FARSB: variants seen among roughly 807,000 people sequenced by gnomAD.
The protein encoded by FARSB is phenylalanine--tRNA ligase beta subunit.
A neutral mutation model predicts 69.6 loss-of-function variants in FARSB; 40 were observed. The observed-to-expected ratio is 0.57, with a 90% CI of 0.45 to 0.75. The LOEUF is 0.75. Among genes scored for constraint, FARSB ranks in the 30% least tolerant of loss-of-function variants. FARSB has a pLI of 0.00. For missense variants in FARSB, 632 were observed against 722.9 expected (o/e 0.87, Z 1.44); for synonymous variants, 235 against 247.2 (o/e 0.95, Z 0.46).
At chr2:222,643,526 C>G (rs1691774097) in intron 2 of FARSB, among the ~76,000 whole-genome samples, 1 of 151,954 alleles carries the variant, frequency 6.6e-6, no homozygotes, top group South Asian at 2.1e-4. Context: ...GTAACAACAA[C>G]AAAAGTGTCA....
At position 222,572,222 on chromosome 2, in the gene FARSB, C is replaced by T. The variant is rs550615736; in HGVS notation, c.1619-200G>A. Among the ~76,000 whole-genome samples the T allele has an allele frequency of 1.2e-3, 189 of 152,044 alleles. 1 individual carries two copies. The highest frequency in any genetic ancestry group is 4.3e-3 in the African/African-American group (180 of 41,498). ...AAGAAACTCTTGCAAGGAAAAAATC[C>T]GGGGCAAATATGAAAATAAGGGCCC... is the stretch of plus-strand genomic sequence containing the variant. On this transcript the variant is annotated intron_variant, in intron 16 of 16. Transcript: ENST00000281828.
chr2:222,623,125 T>C (rs1456442049), intron 13 of FARSB, among the ~76,000 whole-genome samples: 1 of 152,202 alleles, frequency 6.6e-6, no homozygotes, highest in East Asian at 1.9e-4. Context: ...TTCTTTCAAA[T>C]GGTCAATCTG....
chr2:222,572,270 C>T (rs1031885629), intron 16 of FARSB, among the ~76,000 whole-genome samples: 2 of 152,008 alleles, frequency 1.3e-5, no homozygotes, highest in African/African-American at 2.4e-5. Flanking sequence ...AACAGGGACC[C>T]GAGCAGGAAG....
chr2:222,614,002 A>G, intron 14 of FARSB, 74 bp from the exon 15 acceptor site: 3 of 846,846 alleles, frequency 3.5e-6, no homozygotes, highest in Admixed American at 2.0e-5. Context: ...GACAAAGACC[A>G]TGGCAGAAAG....
intron 16 of FARSB, among the ~76,000 whole-genome samples, chr2:222,572,537 G>A (rs1004342830): frequency 2.0e-5 from 3 of 152,106 alleles, no homozygotes; most frequent in South Asian, 2.1e-4. Context: ...AACTGGAGCC[G>A]CCGTGTCATA....
chr2:222,630,142 C>T lies in FARSB; in HGVS notation c.819G>A (p.Met273Ile). ...ATTGATTCTCACAATATTCACTGAACATGGTGACAATAATATCAAGAACTA... is the reference window on the plus strand; with the variant it reads ...ATTGATTCTCACAATATTCACTGAATATGGTGACAATAATATCAAGAACTA... Reference protein sequence around the residue: ...AKIVLDIIVTMFSEYCENQFT... With the variant: ...AKIVLDIIVTIFSEYCENQFT... Residue 273 changes from methionine to isoleucine, a missense_variant, in exon 9 of 17, where the codon ATG becomes ATA. Physicochemically the swap from Met to Ile is conservative, Grantham distance 10 (BLOSUM62 1). Transcript: ENST00000281828. The T allele has an allele frequency of 6.4e-7, 1 of 1,559,104 alleles. No individual in the cohort carries two copies. Among genetic ancestry groups the T allele is most frequent in the African/African-American group, 1.4e-5 (1 of 71,860 alleles).
At chr2:222,597,197 C>T (rs1690441247) in intron 16 of FARSB, among the ~76,000 whole-genome samples, 1 of 152,144 alleles carries the variant, frequency 6.6e-6, no homozygotes, top group Non-Finnish European at 1.5e-5. Context: ...CTGATTCAGG[C>T]TGCCCATGTG....
At position 222,575,182 on chromosome 2, in the gene FARSB, G is replaced by C. The variant is rs535847798; in HGVS notation, c.1619-3160C>G. Reference sequence around the variant, plus strand: ...GGGGTAGTTGAGCACAATAACTCCGGTAGATTAATGTGATCATAGTGCTCT... The same window carrying C: ...GGGGTAGTTGAGCACAATAACTCCGCTAGATTAATGTGATCATAGTGCTCT... On this transcript the variant is annotated intron_variant, in intron 16 of 16. Coordinates refer to ENST00000281828, the MANE Select transcript of FARSB (RefSeq NM_005687.5). Among the ~76,000 whole-genome samples, 545 of 152,296 alleles carry C rather than the reference G, an allele frequency of 3.6e-3. 2 individuals carry two copies. Among genetic ancestry groups the C allele is most frequent in the African/African-American group, 0.013 (526 of 41,558 alleles).
At chr2:222,615,481 C>T (rs935628464) in intron 14 of FARSB, among the ~76,000 whole-genome samples, 1 of 152,204 alleles carries the variant, frequency 6.6e-6, no homozygotes, top group Admixed American at 6.5e-5. Context: ...CCCTCTCTAC[C>T]CTCAACCCCT....
chr2:222,567,170 G>A lies in FARSB; in HGVS notation c.*4701C>T, dbSNP rs1689648564. On this transcript the variant is annotated 3_prime_UTR_variant, in exon 17 of 17. Coordinates refer to ENST00000281828, the MANE Select transcript of FARSB (RefSeq NM_005687.5). ...ATCTAGCTCTAATCACCTGCCAAAG[G>A]CCTCATCTCCAAAGACCATCACACT... 1 of 152,136 alleles carries A rather than the reference G, an allele frequency of 6.6e-6. No homozygotes were observed. Among genetic ancestry groups the A allele is most frequent in the Non-Finnish European group, 1.5e-5 (1 of 68,038 alleles). The allele number at this position is 152,136 out of a possible 1,614,324, so 9.4% of individuals were successfully genotyped here.
chr2:222,615,403 A>G (rs1458533759), intron 14 of FARSB, among the ~76,000 whole-genome samples: 1 of 152,190 alleles, frequency 6.6e-6, no homozygotes, highest in Non-Finnish European at 1.5e-5. Context: ...AAAATCTGCA[A>G]GAGGTTTCCA....
intron 4 of FARSB, 60 bp downstream of exon 4, chr2:222,640,802 T>C (rs1691700770): frequency 1.2e-6 from 1 of 839,288 alleles, no homozygotes; most frequent in Admixed American, 2.5e-5. Flanking sequence ...CCTCCCCACT[T>C]TATACAGACA....
chr2:222,634,237 C>T (rs1691515603), intron 6 of FARSB, among the ~76,000 whole-genome samples, 154 bp downstream of exon 6: 1 of 152,174 alleles, frequency 6.6e-6, no homozygotes, highest in African/African-American at 2.4e-5. Context: ...GTTCAGGTCC[C>T]ACTCTAGATC....
chr2:222,569,334 G>C lies in FARSB; in HGVS notation c.*2537C>G, dbSNP rs1689678200. On this transcript the variant is annotated 3_prime_UTR_variant, in exon 17 of 17. Transcript: ENST00000281828. Reference sequence around the variant, plus strand: ...AAATGGTTCCACCTACTTCAACAAGGGCTATCATATGATGATCCATAAGCC... The same window carrying C: ...AAATGGTTCCACCTACTTCAACAAGCGCTATCATATGATGATCCATAAGCC... 1 of 152,050 alleles carries C rather than the reference G, an allele frequency of 6.6e-6. No individual in the cohort carries two copies. Among genetic ancestry groups the C allele is most frequent in the South Asian group, 2.1e-4 (1 of 4,824 alleles). 9.4% of individuals were successfully genotyped at this position (152,050 alleles called of 1,614,324 possible). A position where few individuals can be genotyped will look rare whatever the true frequency, so the allele number is the denominator to read the frequency against.
intron 13 of FARSB, among the ~76,000 whole-genome samples, chr2:222,623,139 G>A (rs115339641): frequency 1.3e-5 from 2 of 152,268 alleles, no homozygotes; most frequent in African/African-American, 4.8e-5. Context: ...CAATCTGGTG[G>A]GGGAGGGAAA....
At chr2:222,629,007 C>A (rs575404806) in intron 9 of FARSB, 119 bp from the exon 10 acceptor site, 2 of 712,128 alleles carry the variant, frequency 2.8e-6, no homozygotes, top group Non-Finnish European at 2.5e-6. Context: ...CATACTCCAT[C>A]TATCGCATTC....
chr2:222,613,254 T>C (rs1439141587), intron 15 of FARSB, among the ~76,000 whole-genome samples: 2 of 152,226 alleles, frequency 1.3e-5, no homozygotes, highest in Non-Finnish European at 2.9e-5. Flanking sequence ...GCTTATCTTT[T>C]AGAAATACAT....
At position 222,569,331 on chromosome 2, in the gene FARSB, A is replaced by G. The variant is rs1384992458; in HGVS notation, c.*2540T>C. ...AACAAATGGTTCCACCTACTTCAACAAGGGCTATCATATGATGATCCATAA... is the reference window on the plus strand; with the variant it reads ...AACAAATGGTTCCACCTACTTCAACGAGGGCTATCATATGATGATCCATAA... On this transcript the variant is annotated 3_prime_UTR_variant, in exon 17 of 17. Coordinates refer to ENST00000281828, the MANE Select transcript of FARSB (RefSeq NM_005687.5). 6.6e-6 allele frequency: 1 copy of G among 152,170 alleles called. No individual in the cohort carries two copies. Among genetic ancestry groups the G allele is most frequent in the East Asian group, 1.9e-4 (1 of 5,202 alleles). The allele number at this position is 152,170 out of a possible 1,614,324, so 9.4% of individuals were successfully genotyped here.
intron 16 of FARSB, among the ~76,000 whole-genome samples, chr2:222,595,415 T>G (rs979821768): frequency 6.6e-6 from 1 of 152,194 alleles, no homozygotes; most frequent in African/African-American, 2.4e-5. Flanking sequence ...AAAAAGGTCA[T>G]GAACTCCAGG....
Sources: allele counts gnomAD v4.1 joint callset (sites outside exome capture counted in the v4.1 genomes callset), GRCh38; gene constraint gnomAD v4.1.1; transcripts MANE v1.5; gene names NCBI Gene and HGNC (gene_info 2026-07-23, HGNC 2026-07-21).